SBK1: variants seen among roughly 807,000 people sequenced by gnomAD.
The protein encoded by SBK1 is SH3 domain binding kinase 1.
SBK1 carries 11 observed loss-of-function variants against 24.4 expected under a neutral mutation model. The ratio of observed to expected loss-of-function variants is 0.45; its 90% CI spans 0.28 to 0.75. The LOEUF (loss-of-function observed/expected upper bound fraction) is 0.75, where lower values mean the gene tolerates loss of function less well. Among genes scored for constraint, SBK1 ranks in the 30% least tolerant of loss-of-function variants. The pLI is 0.12. For missense variants in SBK1, 467 were observed against 620.5 expected (o/e 0.75, Z 2.63); for synonymous variants, 308 against 284.4 (o/e 1.08, Z -0.83).
intron 1 of SBK1, among the ~76,000 whole-genome samples, chr16:28,282,630 A>ATGAATGAATGAATGAATGAATGAC: frequency 6.6e-6 from 1 of 152,018 alleles, no homozygotes; most frequent in South Asian, 2.1e-4. Context: ...ACAAGTGTGA[A>ATGAATGAATGAATGAATGAATGAC]TGAATGAATG....
intron 1 of SBK1, among the ~76,000 whole-genome samples, chr16:28,316,675 C>G (rs2044798535): frequency 6.6e-6 from 1 of 152,124 alleles, no homozygotes. Flanking sequence ...TGTAACAAGC[C>G]TGCACATCCT....
chr16:28,319,245 A>T lies in SBK1; in HGVS notation c.429+48A>T. 1 of 1,408,976 alleles carries T rather than the reference A, an allele frequency of 7.1e-7. No homozygotes were observed. The highest frequency in any genetic ancestry group is 1.7e-5 in the Admixed American group (1 of 58,928). The allele number at this position is 1,408,976 out of a possible 1,614,324, so 87.3% of individuals were successfully genotyped here. A position where few individuals can be genotyped will look rare whatever the true frequency, so the allele number is the denominator to read the frequency against. ...GTGGGGAAAGGGTCTTCAGGGTCCCAGAGTGTGAGAGTGGGAGTGGAGTCA... is the reference window on the plus strand; with the variant it reads ...GTGGGGAAAGGGTCTTCAGGGTCCCTGAGTGTGAGAGTGGGAGTGGAGTCA... On this transcript the variant is annotated intron_variant, in intron 3 of 3. Transcript: ENST00000341901. The surrounding 1 kb of genome is among the most constrained non-coding windows in gnomAD (Gnocchi z 4.0).
Position 28,320,012 on chromosome 16 carries a change from G to A in SBK1, c.430-64G>A, listed in dbSNP as rs766980951. 3 of 1,406,624 alleles carry A rather than the reference G, an allele frequency of 2.1e-6. No individual in the cohort carries two copies. The highest frequency in any genetic ancestry group is 2.8e-6 in the Non-Finnish European group (3 of 1,082,264). The allele number at this position is 1,406,624 out of a possible 1,614,324, so 87.1% of individuals were successfully genotyped here. On this transcript the variant is annotated intron_variant, in intron 3 of 3. Coordinates refer to ENST00000341901, the MANE Select transcript of SBK1 (RefSeq NM_001024401.3). This position sits in a 1 kb window ranked among gnomAD's most constrained non-coding sequence, Gnocchi z 8.5. ...CGCCTTGCTAGAGAGGGAGCTGGAG[G>A]GGAGGGCGGCGGGGCGGGCGCTGGA...
intron 1 of SBK1, among the ~76,000 whole-genome samples, chr16:28,312,327 C>T (rs374883927): frequency 8.5e-5 from 13 of 152,324 alleles, no homozygotes; most frequent in East Asian, 7.7e-4. Flanking sequence ...TTTTCTAACT[C>T]GGAAGCCTCA....
In SBK1 at chr16:28,259,965, G is replaced by T. The variant is rs889336634; in HGVS notation, c.257+463G>T. 2.6e-5 allele frequency among the ~76,000 whole-genome samples: 4 copies of T among 152,086 alleles called. No individual in the cohort carries two copies. Among genetic ancestry groups the T allele is most frequent in the African/African-American group, 9.7e-5 (4 of 41,414 alleles). On this transcript the variant is annotated intron_variant, in intron 1 of 3. Transcript: ENST00000671413. The surrounding 1 kb of genome is among the most constrained non-coding windows in gnomAD (Gnocchi z 6.0). ...GCTTCCTCCTTCAGGAAGCCCTCCT[G>T]GATGTCCCTGTCCCACCCTAACCTG...
upstream of SBK1, chr16:28,291,973 G>C (rs188165100): frequency 2.0e-5 from 3 of 151,796 alleles, no homozygotes; most frequent in East Asian, 5.8e-4. Flanking sequence ...ATGCATGGAT[G>C]GATGGATGGA....
At chr16:28,309,870 A>C (rs1368211586) in intron 1 of SBK1, among the ~76,000 whole-genome samples, 2 of 152,110 alleles carry the variant, frequency 1.3e-5, no homozygotes, top group South Asian at 2.1e-4. Flanking sequence ...GCATGTGTGC[A>C]TGTGTGTCTG....
chr16:28,276,872 G>C (rs919266311), intron 1 of SBK1, among the ~76,000 whole-genome samples: 3 of 152,048 alleles, frequency 2.0e-5, no homozygotes, highest in African/African-American at 7.2e-5. Context: ...CACCGTGTTA[G>C]CCAGGATGGT....
At chr16:28,296,218 C>T (rs980563357) in intron 1 of SBK1, among the ~76,000 whole-genome samples, 18 of 151,784 alleles carry the variant, frequency 1.2e-4, no homozygotes, top group Admixed American at 5.3e-4. Flanking sequence ...CTCAGCCTCC[C>T]GAGTAGCTGG....
chr16:28,266,371 AAAAAGAAAAG>A (rs372380193), intron 1 of SBK1, among the ~76,000 whole-genome samples: 8 of 152,048 alleles, frequency 5.3e-5, no homozygotes, highest in African/African-American at 1.5e-4. Flanking sequence ...TGTCTCTTAC[AAAAAGAAAAG>A]AAAAGAAAAG....
chr16:28,285,494 G>C (rs1055049934), intron 1 of SBK1: 5 of 152,212 alleles, frequency 3.3e-5, no homozygotes, highest in African/African-American at 1.2e-4. Context: ...GGCAGAGATT[G>C]CAGTGAGCCG....
intron 1 of SBK1, among the ~76,000 whole-genome samples, chr16:28,284,716 GATCACTT>G (rs1427839898): frequency 1.3e-5 from 2 of 152,352 alleles, no homozygotes; most frequent in Non-Finnish European, 2.9e-5. Context: ...ATGGCGAGTG[GATCACTT>G]GAGGTCAGGA....
chr16:28,312,049 G>A (rs1469986223), intron 1 of SBK1, among the ~76,000 whole-genome samples: 1 of 152,282 alleles, frequency 6.6e-6, no homozygotes, highest in African/African-American at 2.4e-5. Context: ...ACGTGTGGAT[G>A]TGTGTGCTGT....
rs1194825057 is a variant in SBK1 at position 28,292,792 on chromosome 16, AG to A, written c.-509del. On this transcript the variant is annotated 5_prime_UTR_variant, in exon 1 of 4. Coordinates refer to ENST00000341901, the MANE Select transcript of SBK1 (RefSeq NM_001024401.3). The stretch of plus-strand genomic sequence containing the variant: ...CAGGATCCGGCGAGCCTCGGGGAAG[AG>A]GGGGGGCCCTCCCGGATCCGACACC... The A allele has an allele frequency of 5.1e-6, 5 of 984,624 alleles. No individual in the cohort carries two copies. The highest frequency in any genetic ancestry group is 4.7e-5 in the South Asian group (1 of 21,214). The allele number at this position is 984,624 out of a possible 1,614,324, so 61.0% of individuals were successfully genotyped here.
In SBK1 at chr16:28,319,085, C is replaced by T. The variant is rs749531844; in HGVS notation, c.317C>T (p.Ser106Phe). ...REVSITNSLS[S>F]SPFIIKVFDV... ...GTGAGCATCACCAACAGCCTCTCCT[C>T]CAGCCCCTTCATCATCAAGGTCTTT... is the stretch of plus-strand genomic sequence containing the variant. Residue 106 changes from serine (S) to phenylalanine (F), a missense_variant, in exon 3 of 4, where the codon TCC (serine) becomes TTC (phenylalanine). Coordinates refer to ENST00000341901, the MANE Select transcript of SBK1 (RefSeq NM_001024401.3). The surrounding 1 kb of genome is among the most constrained non-coding windows in gnomAD (Gnocchi z 4.0). 1.9e-6 allele frequency: 3 copies of T among 1,613,958 alleles called. No individual in the cohort carries two copies. Among genetic ancestry groups the T allele is most frequent in the Non-Finnish European group, 2.5e-6 (3 of 1,179,980 alleles).
intron 1 of SBK1, among the ~76,000 whole-genome samples, chr16:28,260,084 T>TTTGTGTGTG (rs2044388308): frequency 6.7e-6 from 1 of 149,822 alleles, no homozygotes; most frequent in African/African-American, 2.5e-5. Flanking sequence ...GTGTATTTGC[T>TTTGTGTGTG]TGTGTGTGTG....
At chr16:28,291,664 G>A (rs1476024431), upstream of SBK1, 1 of 151,832 alleles carries the variant, frequency 6.6e-6, no homozygotes, top group Non-Finnish European at 1.5e-5. Flanking sequence ...CTGGAAGGAC[G>A]AGCTGTCCCT....
chr16:28,314,028 G>A (rs1293950315), intron 1 of SBK1, among the ~76,000 whole-genome samples: 1 of 139,216 alleles, frequency 7.2e-6, no homozygotes, highest in Non-Finnish European at 1.5e-5. Flanking sequence ...AGCAAGCCTG[G>A]GCACCTATGG....
At chr16:28,292,327 A>AG (rs2044604836), upstream of SBK1, among the ~76,000 whole-genome samples, 1 of 4,864 alleles carries the variant, frequency 2.1e-4, no homozygotes, top group Non-Finnish European at 4.4e-4. Flanking sequence ...CGCGGCCGGA[A>AG]GGGGGTGGGG....
Sources: gnomAD v4.1 joint callset for allele counts (sites outside exome capture counted in the v4.1 genomes callset) on GRCh38, gnomAD v4.1.1 for gene constraint, Gnocchi (gnomAD v3.1) non-coding constraint, MANE v1.5 for transcripts, NCBI Gene and HGNC (gene_info 2026-07-23, HGNC 2026-07-21) for gene names.